The following ARHGAP26 variants were observed in gnomAD, a reference collection of about 807,000 sequenced individuals.
The protein encoded by ARHGAP26 is rho GTPase-activating protein 26.
In ARHGAP26, 38 loss-of-function variants were observed where a neutral mutation model predicts 104.8. The observed-to-expected ratio is 0.36, with a 90% confidence interval of 0.28 to 0.48. The LOEUF (loss-of-function observed/expected upper bound fraction) is 0.48. ARHGAP26 is among the 20% of genes least tolerant of loss of function. The pLI is 0.99. For synonymous variants in ARHGAP26, 341 were observed against 340.0 expected, an observed-to-expected ratio of 1.00 and a Z score of -0.03; for missense variants, 704 against 947.9, an observed-to-expected ratio of 0.74 and a Z score of 3.38.
At chr5:142,780,798 T>A (rs1216623851) in intron 1 of ARHGAP26, among the ~76,000 whole-genome samples, 1 of 152,178 alleles carries the variant, frequency 6.6e-6, no homozygotes, top group Non-Finnish European at 1.5e-5. Context: ...AGACCGTGAC[T>A]CTGGTCTAGG....
intron 1 of ARHGAP26, among the ~76,000 whole-genome samples, chr5:142,862,634 G>A (rs1753571025): frequency 6.6e-6 from 1 of 152,178 alleles, no homozygotes; most frequent in African/African-American, 2.4e-5. Context: ...GGTTCTGTCT[G>A]GGTGCGTGGG....
At chr5:143,139,842 T>A (rs1034019984) in intron 19 of ARHGAP26, among the ~76,000 whole-genome samples, 2 of 152,182 alleles carry the variant, frequency 1.3e-5, no homozygotes, top group Non-Finnish European at 2.9e-5. Context: ...AGGTGAAAGG[T>A]ACTGACACAC....
At chr5:142,781,114 T>G (rs953671823) in intron 1 of ARHGAP26, among the ~76,000 whole-genome samples, 7 of 152,198 alleles carry the variant, frequency 4.6e-5, no homozygotes, top group Admixed American at 1.3e-4. Flanking sequence ...AAGGGGAGAT[T>G]GCTAGCAGTT....
intron 20 of ARHGAP26, among the ~76,000 whole-genome samples, chr5:143,193,362 C>G (rs1806262508): frequency 6.6e-6 from 1 of 150,696 alleles, no homozygotes; most frequent in East Asian, 2.0e-4. Flanking sequence ...ATTCTCCTGC[C>G]TTAGCCTCTT....
At chr5:142,873,365 G>T in intron 1 of ARHGAP26, 35 bp from the exon 2 acceptor site, 1 of 1,531,182 alleles carries the variant, frequency 6.5e-7, no homozygotes, top group Non-Finnish European at 8.9e-7. Flanking sequence ...TTTAATTTTA[G>T]TAATTCCTGA....
intron 1 of ARHGAP26, among the ~76,000 whole-genome samples, chr5:142,865,478 G>GTT (rs35950662): frequency 0.012 from 1,363 of 117,184 alleles, 28 homozygotes; most frequent in African/African-American, 0.039. Context: ...ACACGGAGAA[G>GTT]TTTTTTTTTT....
chr5:142,917,257 T>C (rs1762604967), intron 10 of ARHGAP26, among the ~76,000 whole-genome samples: 1 of 152,174 alleles, frequency 6.6e-6, no homozygotes, highest in African/African-American at 2.4e-5. Context: ...CAGGCTGGTC[T>C]TGAACTACTG....
intron 11 of ARHGAP26, among the ~76,000 whole-genome samples, chr5:142,954,969 A>C (rs967637424): frequency 6.6e-6 from 1 of 152,208 alleles, no homozygotes; most frequent in Non-Finnish European, 1.5e-5. Flanking sequence ...CTCATTAAAG[A>C]TAAAGAAGGA....
intron 11 of ARHGAP26, among the ~76,000 whole-genome samples, chr5:142,976,812 C>G (rs1001598423): frequency 6.6e-6 from 1 of 152,196 alleles, no homozygotes; most frequent in Non-Finnish European, 1.5e-5. Flanking sequence ...GATTTTGAAC[C>G]TGCTGGTTCA....
At position 142,894,355 on chromosome 5, in the gene ARHGAP26, A is replaced by G. The variant is rs1240683562; in HGVS notation, c.597+7A>G. On this transcript the variant is annotated splice_region_variant and intron_variant, in intron 6 of 22. Transcript: ENST00000645722. ...GTTTGAGTTTGTGGAGCCTGTAAGT[A>G]GATATTCAGGGTTTAATGATGTACC... The G allele has an allele frequency of 2.5e-6, 4 of 1,609,010 alleles. No individual in the cohort carries two copies. The highest frequency in any genetic ancestry group is 3.4e-6 in the Non-Finnish European group (4 of 1,175,484).
chr5:143,010,788 G>C (rs970350058), intron 11 of ARHGAP26: 2 of 152,174 alleles, frequency 1.3e-5, no homozygotes, highest in African/African-American at 4.8e-5. Flanking sequence ...TCCTAATGAA[G>C]GAGGGCTGGA....
At chr5:142,859,379 A>C (rs1033050463) in intron 1 of ARHGAP26, among the ~76,000 whole-genome samples, 2 of 152,206 alleles carry the variant, frequency 1.3e-5, no homozygotes, top group African/African-American at 2.4e-5. Flanking sequence ...AGCAGACATA[A>C]GTACTGTTAA....
At chr5:142,932,384 T>C (rs997117944) in intron 11 of ARHGAP26, among the ~76,000 whole-genome samples, 1 of 152,236 alleles carries the variant, frequency 6.6e-6, no homozygotes, top group Non-Finnish European at 1.5e-5. Context: ...TCTTTTATCA[T>C]TGACTTCTGG....
At chr5:142,904,525 GA>G (rs10667047) in intron 8 of ARHGAP26, among the ~76,000 whole-genome samples, 48 of 141,956 alleles carry the variant, frequency 3.4e-4, no homozygotes, top group Middle Eastern at 3.6e-3. Context: ...TCTCTTAAAA[GA>G]AAAAAAAAAA....
chr5:143,091,706 C>T (rs953006540), intron 17 of ARHGAP26, among the ~76,000 whole-genome samples: 3 of 152,164 alleles, frequency 2.0e-5, no homozygotes, highest in Admixed American at 6.5e-5. Flanking sequence ...TTTTTATAGA[C>T]TCTTTTTAAC....
chr5:143,070,809 G>A (rs1209959439), intron 17 of ARHGAP26, among the ~76,000 whole-genome samples: 1 of 152,140 alleles, frequency 6.6e-6, no homozygotes. Context: ...ACTCTTGGGA[G>A]GCTGAGGCAG....
At chr5:143,070,789 A>G (rs536648433) in intron 17 of ARHGAP26, among the ~76,000 whole-genome samples, 1 of 152,244 alleles carries the variant, frequency 6.6e-6, no homozygotes, top group East Asian at 1.9e-4. Context: ...GTGCACCTGT[A>G]GTCCCAGCTA....
At chr5:142,790,399 T>A (rs1759556245) in intron 1 of ARHGAP26, among the ~76,000 whole-genome samples, 1 of 152,228 alleles carries the variant, frequency 6.6e-6, no homozygotes, top group Admixed American at 6.5e-5. Context: ...CCTGTTTTTG[T>A]AGGCAGAATG....
chr5:143,028,153 T>G (rs1038068654), intron 12 of ARHGAP26, among the ~76,000 whole-genome samples: 2 of 152,140 alleles, frequency 1.3e-5, no homozygotes, highest in African/African-American at 2.4e-5. Context: ...AGGTTTCCTA[T>G]CTACAAAATA....
Sources: gnomAD v4.1 joint callset for allele counts (sites outside exome capture counted in the v4.1 genomes callset) on GRCh38, gnomAD v4.1.1 for gene constraint, MANE v1.5 for transcripts, NCBI Gene and HGNC (gene_info 2026-07-23, HGNC 2026-07-21) for gene names.